The following CCDC159 variants were observed in gnomAD, a reference collection of about 807,000 sequenced individuals.
CCDC159 encodes the protein coiled-coil domain containing 159.
CCDC159 carries 40 observed loss-of-function variants against 50.9 expected under a neutral mutation model. That is an observed-to-expected ratio of 0.79 (90% CI 0.61 to 1.02). The LOEUF (loss-of-function observed/expected upper bound fraction) is 1.02. Ranked by LOEUF, CCDC159 falls within the 50% of genes least tolerant of loss-of-function variation. CCDC159 has a pLI of 0.00. For synonymous variants in CCDC159, 146 were observed against 138.9 expected, an observed-to-expected ratio of 1.05 and a Z score of -0.36; for missense variants, 356 against 371.5, an observed-to-expected ratio of 0.96 and a Z score of 0.34.
rs371059805 is a variant in CCDC159 at position 11,353,805 on chromosome 19, G to A, written c.703G>A (p.Val235Met). The change falls in exon 9 of 11, where the codon GTG becomes ATG. Residue 235 changes from valine to methionine, a missense_variant. Val to Met is a conservative substitution (Grantham distance 21). Transcript: ENST00000458408. ...ELSDIWSAVH[V>M]LQNSIDSLTL... ...GTCTTCTTGCAGGTCTGCTGTGCAC[G>A]TGCTGCAGAACTCCATAGACAGCCT... is the stretch of plus-strand genomic sequence containing the variant. 6.3e-5 allele frequency: 101 copies of A among 1,597,724 alleles called. No individual in the cohort carries two copies. Among genetic ancestry groups the A allele is most frequent in the Non-Finnish European group, 8.0e-5 (94 of 1,172,292 alleles).
intron 7 of CCDC159, 33 bp from the exon 8 acceptor site, chr19:11,353,418 T>G (rs1312022208): frequency 5.2e-6 from 8 of 1,540,998 alleles, no homozygotes; most frequent in Middle Eastern, 1.7e-4. Flanking sequence ...ATTATTATTA[T>G]GACTGCTGTT....
chr19:11,351,111 A>T (rs1229165954), intron 5 of CCDC159, 108 bp downstream of exon 5: 1 of 1,122,334 alleles, frequency 8.9e-7, no homozygotes, highest in Non-Finnish European at 1.2e-6. Flanking sequence ...GGGGAGGGGG[A>T]CTGAGGGATG....
At position 11,346,618 on chromosome 19, in the gene CCDC159, T is replaced by G. The variant is rs879406843; in HGVS notation, c.12T>G (p.His4Gln). MGE[H>Q]EQVKPLETSS... ...CTTCGTGGTCCCTGATGGGAGAGCA[T>G]GAACAGGTGGTATGTGGTAGGTGGG... Residue 4 changes from histidine (H) to glutamine (Q), a missense_variant, in exon 1 of 11, where the codon CAT becomes CAG. Coordinates refer to ENST00000458408, the MANE Select transcript of CCDC159 (RefSeq NM_001080503.3). 1.9e-6 allele frequency: 3 copies of G among 1,551,200 alleles called. No homozygotes were observed. The highest frequency in any genetic ancestry group is 2.6e-6 in the Non-Finnish European group (3 of 1,146,856).
chr19:11,350,192 G>C lies in CCDC159; in HGVS notation c.219G>C (p.Gln73His), dbSNP rs1168245375. The C allele has an allele frequency of 6.2e-7, 1 of 1,610,174 alleles. No individual in the cohort carries two copies. The highest frequency in any genetic ancestry group is 1.3e-5 in the African/African-American group (1 of 74,860). The part of the protein sequence containing the change: ...ESCLQQIKIQ[Q>H]LEEVLSPTGR... The stretch of plus-strand genomic sequence containing the variant: ...GCTTGCAGCAAATCAAGATTCAGCA[G>C]CTTGAAGGTGAGGACTGACCAGAGA... The change falls in exon 4 of 11, where the codon CAG (glutamine) becomes CAC (histidine). Residue 73 changes from glutamine (Q) to histidine (H), a missense_variant. By Grantham distance (24) the Gln-to-His change is conservative. Coordinates refer to ENST00000458408, the MANE Select transcript of CCDC159 (RefSeq NM_001080503.3).
chr19:11,346,604 C>T lies in CCDC159; in HGVS notation c.-3C>T. 6.4e-7 allele frequency: 1 copy of T among 1,551,578 alleles called. No individual in the cohort carries two copies. The highest frequency in any genetic ancestry group is 8.7e-7 in the Non-Finnish European group (1 of 1,146,936). On this transcript the variant is annotated 5_prime_UTR_variant, in exon 1 of 11. Coordinates refer to ENST00000458408, the MANE Select transcript of CCDC159 (RefSeq NM_001080503.3). Reference sequence around the variant, plus strand: ...CAGCTGAGGACTGGCTTCGTGGTCCCTGATGGGAGAGCATGAACAGGTGGT... The same window carrying T: ...CAGCTGAGGACTGGCTTCGTGGTCCTTGATGGGAGAGCATGAACAGGTGGT...
In CCDC159 at chr19:11,350,123, C is replaced by A; in HGVS notation, c.150C>A (p.Phe50Leu). The A allele has an allele frequency of 6.2e-7, 1 of 1,613,634 alleles. No individual in the cohort carries two copies. The highest frequency in any genetic ancestry group is 8.5e-7 in the Non-Finnish European group (1 of 1,179,772). ...KSQLQAQTKA[F>L]EFLNHSVTML... ...GGCTGACCTCTTTCCCCCAGGCTTT[C>A]GAGTTCCTGAACCACTCAGTGACCA... Residue 50 changes from phenylalanine to leucine, a missense_variant, in exon 4 of 11, where the codon TTC (phenylalanine) becomes TTA (leucine). Coordinates refer to ENST00000458408, the MANE Select transcript of CCDC159 (RefSeq NM_001080503.3).
chr19:11,354,461 C>A, intron 9 of CCDC159, 119 bp from the exon 10 acceptor site: 1 of 936,698 alleles, frequency 1.1e-6, no homozygotes, highest in Non-Finnish European at 1.6e-6. Context: ...CACTGGATCA[C>A]ATTCAAGGGA....
chr19:11,348,349 T>C (rs530813902), intron 1 of CCDC159, among the ~76,000 whole-genome samples: 3 of 152,224 alleles, frequency 2.0e-5, no homozygotes, highest in African/African-American at 4.8e-5. Flanking sequence ...AGTGCAGTGG[T>C]GCAATCTCGG....
rs538792560 is a variant in CCDC159, at chr19:11,346,533, G to C, written c.-74G>C. On this transcript the variant is annotated 5_prime_UTR_variant, in exon 1 of 11. Transcript: ENST00000458408. ...CCCCTCTCTGTGACTCAGTCTCTGA[G>C]CGTTTTAATACGATGGTGTCCCCGC... The C allele has an allele frequency of 3.3e-6, 5 of 1,518,528 alleles. 1 individual carries two copies. In the East Asian group the frequency reaches 7.4e-5, roughly 22 times the overall value. The allele number at this position is 1,518,528 out of a possible 1,614,324, so 94.1% of individuals were successfully genotyped here.
intron 1 of CCDC159, chr19:11,348,247 A>G (rs775663380): frequency 6.9e-6 from 3 of 433,500 alleles, no homozygotes; most frequent in Non-Finnish European, 1.4e-5. Context: ...GGTCCTTCTC[A>G]CTGCCCAGCC....
intron 7 of CCDC159, chr19:11,352,346 T>G (rs191252213): frequency 1.7e-6 from 1 of 572,228 alleles, no homozygotes; most frequent in Admixed American, 3.0e-5. Context: ...CTGGGCGCGG[T>G]GGCTCACGCC....
intron 7 of CCDC159, 34 bp from the exon 8 acceptor site, chr19:11,353,417 A>T: frequency 6.5e-7 from 1 of 1,539,808 alleles, no homozygotes; most frequent in Non-Finnish European, 8.8e-7. Flanking sequence ...CATTATTATT[A>T]TGACTGCTGT....
intron 1 of CCDC159, chr19:11,348,775 C>G (rs563463316): frequency 3.8e-6 from 2 of 522,810 alleles, no homozygotes; most frequent in African/African-American, 3.8e-5. Context: ...CGGCCTACCC[C>G]GGGACCCTGA....
Position 11,354,937 on chromosome 19 carries a change from C to A in CCDC159, c.*60C>A. 6.4e-7 allele frequency: 1 copy of A among 1,562,464 alleles called. No homozygotes were observed. The highest frequency in any genetic ancestry group is 8.8e-7 in the Non-Finnish European group (1 of 1,133,250). On this transcript the variant is annotated 3_prime_UTR_variant, in exon 11 of 11. Coordinates refer to ENST00000458408, the MANE Select transcript of CCDC159 (RefSeq NM_001080503.3). Reference sequence around the variant, plus strand: ...GAGAGAAAATAAACTAGCCCAGACCCTCCTCTAGCCCCGACTGTTAGTCTT... The same window carrying A: ...GAGAGAAAATAAACTAGCCCAGACCATCCTCTAGCCCCGACTGTTAGTCTT...
At chr19:11,351,590 T>G (rs1599385714) in intron 5 of CCDC159, 2 of 204,384 alleles carry the variant, frequency 9.8e-6, no homozygotes, top group South Asian at 7.9e-5. Flanking sequence ...GGCCAGGGGA[T>G]CAGAAAGGGG....
chr19:11,349,492 G>A (rs1472407634), intron 1 of CCDC159, 162 bp from the exon 2 acceptor site: 3 of 808,762 alleles, frequency 3.7e-6, no homozygotes, highest in East Asian at 5.4e-5. Context: ...CAAGGGGGAG[G>A]TGCATGAATA....
At chr19:11,350,778 G>A in intron 4 of CCDC159, 30 bp from the exon 5 acceptor site, 1 of 1,521,150 alleles carries the variant, frequency 6.6e-7, no homozygotes, top group South Asian at 1.3e-5. Flanking sequence ...GTGGGATCAG[G>A]GCTCAGTCAA....
At chr19:11,354,034 T>G (rs527981952) in intron 9 of CCDC159, among the ~76,000 whole-genome samples, 160 bp downstream of exon 9, 6 of 152,262 alleles carry the variant, frequency 3.9e-5, no homozygotes, top group Admixed American at 3.9e-4. Flanking sequence ...CACTGGAGGT[T>G]TCATCCAGGA....
intron 1 of CCDC159, chr19:11,349,032 T>TG: frequency 7.5e-7 from 1 of 1,341,206 alleles, no homozygotes; most frequent in Non-Finnish European, 9.8e-7. Context: ...CCAGAGACCT[T>TG]GGGATGCCCT....
Sources: gnomAD v4.1 joint callset for allele counts (sites outside exome capture counted in the v4.1 genomes callset) on GRCh38, gnomAD v4.1.1 for gene constraint, MANE v1.5 for transcripts, NCBI Gene and HGNC (gene_info 2026-07-23, HGNC 2026-07-21) for gene names.